Variants in MTRR observed in about 807,000 individuals in gnomAD.
MTRR encodes the protein 5-methyltetrahydrofolate-homocysteine methyltransferase reductase, also known as methionine synthase reductase.
In MTRR, 63 loss-of-function variants were observed where a neutral mutation model predicts 79.2. The observed-to-expected ratio is 0.80, with a 90% CI of 0.65 to 0.98. The LOEUF is 0.98. Ranked by LOEUF, MTRR falls within the 50% of genes least tolerant of loss-of-function variation. The probability of loss-of-function intolerance (pLI) is 0.00; values close to 1 mark genes in which losing one functional copy is unlikely to be tolerated. For missense variants in MTRR, 895 were observed against 839.6 expected, an observed-to-expected ratio of 1.07 and a Z score of -0.82; for synonymous variants, 355 against 313.3, an observed-to-expected ratio of 1.13 and a Z score of -1.41.
chr5:7,884,593 C>T (rs1048352851), intron 6 of MTRR, among the ~76,000 whole-genome samples: 6 of 152,072 alleles, frequency 3.9e-5, no homozygotes. Context: ...ATATGGAGGG[C>T]CAACTGTATA....
rs561560746 is a variant in MTRR at position 7,871,047 on chromosome 5, G to T, written c.129+124G>T. 5 of 1,170,074 alleles carry T rather than the reference G, an allele frequency of 4.3e-6. 1 individual carries two copies. The South Asian group carries it at 4.9e-5, about 12-fold the overall frequency. The allele number at this position is 1,170,074 out of a possible 1,614,324, so 72.5% of individuals were successfully genotyped here. A position where few individuals can be genotyped will look rare whatever the true frequency, so the allele number is the denominator to read the frequency against. Reference sequence around the variant, plus strand: ...AGTCTTTGTTTTTTAACAGAAATGTGTTTGTTCAATGGTATAGTAAGATAT... The same window carrying T: ...AGTCTTTGTTTTTTAACAGAAATGTTTTTGTTCAATGGTATAGTAAGATAT... On this transcript the variant is annotated intron_variant, in intron 2 of 14. Coordinates refer to ENST00000440940, the MANE Select transcript of MTRR (RefSeq NM_002454.3).
intron 4 of MTRR, 80 bp from the exon 5 acceptor site, chr5:7,877,864 C>A (rs1302011881): frequency 1.3e-6 from 2 of 1,587,008 alleles, no homozygotes; most frequent in African/African-American, 1.3e-5. Context: ...GCCAAATGGA[C>A]AGACTGTCAT....
At chr5:7,873,302 T>C (rs970692087) in intron 2 of MTRR, 71 bp from the exon 3 acceptor site, 1 of 1,578,844 alleles carries the variant, frequency 6.3e-7, no homozygotes, top group Non-Finnish European at 8.7e-7. Flanking sequence ...CTAAGCTGAT[T>C]GCTTTGCTGC....
At chr5:7,869,353 C>T (rs1339116290) in intron 1 of MTRR, 138 bp downstream of exon 1, 4 of 942,872 alleles carry the variant, frequency 4.2e-6, no homozygotes, top group Non-Finnish European at 6.4e-6. Context: ...CCGGGGGTCG[C>T]CGCGGGCGCG....
chr5:7,870,689 C>T (rs1579593953), intron 1 of MTRR, 81 bp from the exon 2 acceptor site: 1 of 1,481,962 alleles, frequency 6.7e-7, no homozygotes, highest in Middle Eastern at 1.7e-4. Flanking sequence ...TGCATTGTTT[C>T]TTAAAGATTG....
upstream of MTRR, chr5:7,867,968 T>C: frequency 6.2e-7 from 1 of 1,614,106 alleles, no homozygotes; most frequent in Non-Finnish European, 8.5e-7. Context: ...GCACAGACGC[T>C]CCTTGACTAC....
chr5:7,867,591 G>T (rs1747086874), upstream of MTRR: 1 of 1,614,116 alleles, frequency 6.2e-7, no homozygotes, highest in Non-Finnish European at 8.5e-7. Flanking sequence ...TTTTCAAACT[G>T]AAAGCATAAA....
rs556816680 is a variant in MTRR, at chr5:7,896,666, A to C, written c.1677-198A>C. 224 of 619,960 alleles carry C rather than the reference A, an allele frequency of 3.6e-4. 1 individual carries two copies. In the East Asian group the frequency reaches 6.0e-3, roughly 17 times the overall value. The allele number at this position is 619,960 out of a possible 1,614,324, so 38.4% of individuals were successfully genotyped here. ...GTCGGATGTAGCTGCCTCTCCACAC[A>C]CTTGCCTAGTGTGGCATCTGCTCGA... On this transcript the variant is annotated intron_variant, in intron 12 of 14. Transcript: ENST00000440940.
At chr5:7,898,870 G>A (rs573013304) in intron 14 of MTRR, among the ~76,000 whole-genome samples, 3 of 152,218 alleles carry the variant, frequency 2.0e-5, no homozygotes, top group Non-Finnish European at 2.9e-5. Flanking sequence ...CGATAGATAC[G>A]AGGATATATT....
chr5:7,900,326 TC>T lies in MTRR; in HGVS notation c.*271del, dbSNP rs796395693. The T allele has an allele frequency of 1.1e-4, 49 of 438,234 alleles. No homozygotes were observed. The highest frequency in any genetic ancestry group is 8.9e-4 in the African/African-American group (45 of 50,320). The allele number at this position is 438,234 out of a possible 1,614,324, so 27.1% of individuals were successfully genotyped here. ...TCTTCTGAGCTAAGGCAGCCTTCAG[TC>T]CCTATCAGCGCCTCCTTTACTTCCC... On this transcript the variant is annotated 3_prime_UTR_variant, in exon 15 of 15. Coordinates refer to ENST00000440940, the MANE Select transcript of MTRR (RefSeq NM_002454.3).
chr5:7,898,553 C>T (rs1370668357), intron 14 of MTRR, among the ~76,000 whole-genome samples: 2 of 152,200 alleles, frequency 1.3e-5, no homozygotes, highest in Non-Finnish European at 2.9e-5. Flanking sequence ...ACAAAGTAGA[C>T]AGAAGGAACA....
At position 7,852,435 on chromosome 5, in the gene MTRR, C is replaced by T. The variant is rs142988818; in HGVS notation, n.391+850C>T. Among the ~76,000 whole-genome samples, 67 of 152,182 alleles carry T rather than the reference C, an allele frequency of 4.4e-4. No homozygotes were observed. The Middle Eastern group carries it at 0.01, about 23-fold the overall frequency. On this transcript the variant is annotated intron_variant and non_coding_transcript_variant, in intron 1 of 3. Transcript: ENST00000502509. Reference sequence around the variant, plus strand: ...GTCCCCATGAGCTTCCTGAGAAACCCATGTGCCTTCTTTGTCCCACTAACA... The same window carrying T: ...GTCCCCATGAGCTTCCTGAGAAACCTATGTGCCTTCTTTGTCCCACTAACA...
At chr5:7,884,426 C>A (rs1736082578) in intron 6 of MTRR, among the ~76,000 whole-genome samples, 1 of 152,326 alleles carries the variant, frequency 6.6e-6, no homozygotes, top group African/African-American at 2.4e-5. Flanking sequence ...CACTTTAAGT[C>A]ATCTGTAGAT....
intron 4 of MTRR, 72 bp from the exon 5 acceptor site, chr5:7,877,871 TC>T (rs1734841324): frequency 1.3e-6 from 2 of 1,591,522 alleles, no homozygotes; most frequent in Admixed American, 3.3e-5. Context: ...GGACAGACTG[TC>T]ATTATCCTGT....
intron 1 of MTRR, chr5:7,856,887 G>C (rs1746263337): frequency 6.6e-6 from 1 of 151,700 alleles, no homozygotes; most frequent in Non-Finnish European, 1.5e-5. Context: ...AGGAAGGCAA[G>C]GAAAGGTAAA....
chr5:7,866,776 T>C (rs1342423687), upstream of MTRR: 7 of 1,614,172 alleles, frequency 4.3e-6, no homozygotes, highest in South Asian at 3.3e-5. Context: ...AATGAGTGAA[T>C]AGCACGTTTT....
intron 1 of MTRR, among the ~76,000 whole-genome samples, chr5:7,854,243 A>C (rs1398346157): frequency 6.6e-6 from 1 of 152,020 alleles, no homozygotes; most frequent in African/African-American, 2.4e-5. Flanking sequence ...AAAGGAGGCA[A>C]ATTAATAGAG....
At position 7,878,139 on chromosome 5, in the gene MTRR, A is replaced by G; in HGVS notation, c.597A>G (p.Ser199=). Residue 199 remains serine (S), a synonymous_variant, in exon 5 of 15, where the codon TCA becomes TCG. Coordinates refer to ENST00000440940, the MANE Select transcript of MTRR (RefSeq NM_002454.3). ...TCGAGCTTCTGAGATTCGATGATTC[A>G]GGAAGAAAGGATTCTGAGGTTTTGA... ...SQVELLRFDD[S]GRKDSEVLKQ... 1 of 1,614,152 alleles carries G rather than the reference A, an allele frequency of 6.2e-7. No individual in the cohort carries two copies. The highest frequency in any genetic ancestry group is 8.5e-7 in the Non-Finnish European group (1 of 1,180,032).
chr5:7,854,515 A>C (rs1746173521), intron 1 of MTRR, among the ~76,000 whole-genome samples: 1 of 152,174 alleles, frequency 6.6e-6, no homozygotes, highest in Admixed American at 6.5e-5. Context: ...ATGGCTAGGG[A>C]GGCCTCAGAA....
Sources: gnomAD v4.1 joint callset for allele counts (sites outside exome capture counted in the v4.1 genomes callset) on GRCh38, gnomAD v4.1.1 for gene constraint, MANE v1.5 for transcripts, NCBI Gene and HGNC (gene_info 2026-07-23, HGNC 2026-07-21) for gene names.